The following CCDC171 variants were observed in gnomAD, a reference collection of about 807,000 sequenced individuals.
The protein encoded by CCDC171 is coiled-coil domain-containing protein 171.
Under a neutral mutation model 168.2 loss-of-function variants are expected in CCDC171, and 177 were observed. That is an observed-to-expected ratio of 1.05 (90% CI 0.93 to 1.19). CCDC171 has a LOEUF of 1.19. Among genes scored for constraint, CCDC171 ranks in the 50% most tolerant of loss-of-function variants. The pLI is 0.00. For missense variants in CCDC171, 1,991 were observed against 1,539.0 expected (o/e 1.29, Z -4.91); for synonymous variants, 687 against 540.8 (o/e 1.27, Z -3.75).
intron 1 of CCDC171, among the ~76,000 whole-genome samples, chr9:16,054,608 A>AG: frequency 6.6e-6 from 1 of 152,194 alleles, no homozygotes; most frequent in Non-Finnish European, 1.5e-5. Flanking sequence ...GAATAGAGCC[A>AG]GGGGGAGGAC....
chr9:15,562,988 T>C (rs949344950), intron 1 of CCDC171, among the ~76,000 whole-genome samples: 4 of 152,150 alleles, frequency 2.6e-5, no homozygotes, highest in African/African-American at 4.8e-5. Context: ...AGTTTTCTTA[T>C]AAAGTGAGGA....
chr9:15,744,059 G>C (rs977157869), intron 16 of CCDC171, among the ~76,000 whole-genome samples: 1 of 152,176 alleles, frequency 6.6e-6, no homozygotes, highest in Non-Finnish European at 1.5e-5. Context: ...TTCTATGTGA[G>C]AGGATTTAAA....
chr9:15,776,663 A>T (rs1267251540), intron 18 of CCDC171, among the ~76,000 whole-genome samples: 1 of 152,216 alleles, frequency 6.6e-6, no homozygotes, highest in East Asian at 1.9e-4. Context: ...ACAGTTCTTT[A>T]TGCCATAGAA....
At chr9:15,628,649 C>T (rs938412207) in intron 7 of CCDC171, among the ~76,000 whole-genome samples, 1 of 152,326 alleles carries the variant, frequency 6.6e-6, no homozygotes, top group East Asian at 1.9e-4. Context: ...ACTTAAATGT[C>T]CCTGTCTGAC....
At chr9:16,090,227 A>G in the CCDC171 span, among the ~76,000 whole-genome samples, 10 of 152,248 alleles carry the variant, frequency 6.6e-5, no homozygotes, top group Non-Finnish European at 1.0e-4. Flanking sequence ...ACACCATGGA[A>G]TATGAAGCAG....
intron 21 of CCDC171, among the ~76,000 whole-genome samples, chr9:15,823,671 T>C (rs975745405): frequency 1.4e-4 from 21 of 152,252 alleles, no homozygotes; most frequent in Non-Finnish European, 2.6e-4. Context: ...ATTTGTAATG[T>C]TGCATGAAAG....
At chr9:15,826,866 A>G (rs562998302) in intron 21 of CCDC171, among the ~76,000 whole-genome samples, 5 of 152,330 alleles carry the variant, frequency 3.3e-5, no homozygotes, top group Admixed American at 2.0e-4. Context: ...TTTTAGATTA[A>G]TTTGTCGTAT....
intron 3 of CCDC171, among the ~76,000 whole-genome samples, chr9:16,020,163 A>G (rs994457905): frequency 7.9e-5 from 12 of 152,214 alleles, no homozygotes; most frequent in African/African-American, 2.9e-4. Context: ...AATTCCATAC[A>G]TAACACCGAA....
intron 10 of CCDC171, among the ~76,000 whole-genome samples, chr9:15,690,767 A>C (rs2050724000): frequency 6.6e-6 from 1 of 152,214 alleles, no homozygotes. Flanking sequence ...GATTGCTTTT[A>C]TAATTTATGG....
At chr9:15,991,466 A>T (rs1406571818) in intron 3 of CCDC171, among the ~76,000 whole-genome samples, 1 of 148,620 alleles carries the variant, frequency 6.7e-6, no homozygotes, top group Admixed American at 6.6e-5. Flanking sequence ...AAATGCCCAC[A>T]AGAGAAAACA....
chr9:15,757,671 C>G (rs1357381462), intron 18 of CCDC171, among the ~76,000 whole-genome samples: 3 of 152,184 alleles, frequency 2.0e-5, no homozygotes, highest in African/African-American at 7.2e-5. Flanking sequence ...CACGGAAGCC[C>G]TTCCCATCAC....
At chr9:16,085,159 G>T in the CCDC171 span, among the ~76,000 whole-genome samples, 10 of 152,204 alleles carry the variant, frequency 6.6e-5, no homozygotes, top group East Asian at 1.9e-3. Context: ...TAGCTCATGT[G>T]CCCCTTGTCC....
At chr9:15,834,154 T>A (rs2060345240) in intron 21 of CCDC171, among the ~76,000 whole-genome samples, 1 of 152,156 alleles carries the variant, frequency 6.6e-6, no homozygotes, top group African/African-American at 2.4e-5. Context: ...TTATTTTAGT[T>A]CTCATTAATC....
chr9:15,620,936 ATT>A (rs112363002), intron 6 of CCDC171, among the ~76,000 whole-genome samples: 21 of 148,048 alleles, frequency 1.4e-4, no homozygotes, highest in Middle Eastern at 3.5e-3. Context: ...GATGGTTAGC[ATT>A]TTTTTTTTTA....
chr9:15,896,585 G>A (rs1820927979), intron 24 of CCDC171, among the ~76,000 whole-genome samples: 1 of 151,982 alleles, frequency 6.6e-6, no homozygotes, highest in Non-Finnish European at 1.5e-5. Context: ...TTACAATTTT[G>A]CCTTCAGTTG....
At chr9:15,618,005 CA>C (rs58016411) in intron 6 of CCDC171, among the ~76,000 whole-genome samples, 3,182 of 152,244 alleles carry the variant, frequency 0.021, 110 homozygotes, top group African/African-American at 0.073. Flanking sequence ...CTTGAGGAGG[CA>C]GTCTGTCCTT....
intron 21 of CCDC171, among the ~76,000 whole-genome samples, chr9:15,785,989 T>G (rs1041075130): frequency 6.6e-6 from 1 of 152,084 alleles, no homozygotes; most frequent in African/African-American, 2.4e-5. Context: ...TTAGAAAATT[T>G]TGAAATCTAA....
chr9:15,717,929 A>T (rs181358029), intron 11 of CCDC171, among the ~76,000 whole-genome samples: 2 of 152,336 alleles, frequency 1.3e-5, no homozygotes, highest in East Asian at 3.9e-4. Context: ...CTACGGCAAG[A>T]GATTATTTCT....
At chr9:16,034,560 A>G (rs1036611465) in intron 6 of CCDC171, among the ~76,000 whole-genome samples, 1 of 152,134 alleles carries the variant, frequency 6.6e-6, no homozygotes, top group Non-Finnish European at 1.5e-5. Context: ...CATTACTGTA[A>G]TTAGATGTTT....
Sources: allele counts gnomAD v4.1 joint callset (sites outside exome capture counted in the v4.1 genomes callset), GRCh38; gene constraint gnomAD v4.1.1; transcripts MANE v1.5; gene names NCBI Gene and HGNC (gene_info 2026-07-23, HGNC 2026-07-21).